Variants in ACTN1 observed in about 807,000 individuals in gnomAD.
ACTN1 encodes the protein alpha-actinin-1.
A neutral mutation model predicts 119.6 loss-of-function variants in ACTN1; 30 were observed. That is an observed-to-expected ratio of 0.25 (90% CI 0.19 to 0.34). The LOEUF (loss-of-function observed/expected upper bound fraction) is 0.34, where lower values mean the gene tolerates loss of function less well. Ranked by LOEUF, ACTN1 falls within the 10% of genes least tolerant of loss-of-function variation. ACTN1 has a pLI of 1.00. For synonymous variants in ACTN1, 429 were observed against 472.6 expected, an observed-to-expected ratio of 0.91 and a Z score of 1.20; for missense variants, 764 against 1,223.4, an observed-to-expected ratio of 0.62 and a Z score of 5.60.
chr14:68,924,129 C>T (rs2034792849), intron 2 of ACTN1, among the ~76,000 whole-genome samples: 1 of 152,074 alleles, frequency 6.6e-6, no homozygotes, highest in Non-Finnish European at 1.5e-5. Flanking sequence ...GAGCGGCGAG[C>T]TAGTGTTGAA....
At chr14:68,929,570 C>T (rs939107783) in intron 1 of ACTN1, among the ~76,000 whole-genome samples, 3 of 152,186 alleles carry the variant, frequency 2.0e-5, no homozygotes, top group African/African-American at 7.2e-5. Context: ...AAAGGAGATC[C>T]GGGATGGCAG....
intron 6 of ACTN1, among the ~76,000 whole-genome samples, chr14:68,905,849 G>C (rs1262182585): frequency 6.6e-6 from 1 of 152,046 alleles, no homozygotes; most frequent in Middle Eastern, 3.2e-3. Flanking sequence ...AAAATTAGCT[G>C]GGTGTGGTGG....
chr14:68,977,145 G>T lies in ACTN1; in HGVS notation c.105+1807C>A, dbSNP rs187676902. Reference sequence around the variant, plus strand: ...CTCCCTAAGCAGGGATTTCTCCTTCGATTCTAACCCCCAGGGAAGACCCCA... The same window carrying T: ...CTCCCTAAGCAGGGATTTCTCCTTCTATTCTAACCCCCAGGGAAGACCCCA... On this transcript the variant is annotated intron_variant, in intron 1 of 21. Transcript: ENST00000394419. Among the ~76,000 whole-genome samples, 4 of 152,166 alleles carry T rather than the reference G, an allele frequency of 2.6e-5. No individual in the cohort carries two copies. In the East Asian group the frequency reaches 5.8e-4, roughly 22 times the overall value.
At chr14:68,893,381 T>TG (rs1259467575) in intron 9 of ACTN1, among the ~76,000 whole-genome samples, 2 of 152,166 alleles carry the variant, frequency 1.3e-5, no homozygotes, top group Non-Finnish European at 2.9e-5. Flanking sequence ...TGACATCCCC[T>TG]GGCTCAACTC....
intron 1 of ACTN1, chr14:68,978,340 G>C (rs11620922): frequency 0.18 from 70,930 of 389,232 alleles, 7,317 homozygotes; most frequent in Non-Finnish European, 0.23. Context: ...GGGCCCGCGG[G>C]GGAGCCCGCG....
At position 68,892,074 on chromosome 14, in the gene ACTN1, G is replaced by A; in HGVS notation, c.1065C>T (p.Pro355=). 6.2e-7 allele frequency: 1 copy of A among 1,613,840 alleles called. No individual in the cohort carries two copies. The change falls in exon 10 of 22, where the codon CCC becomes CCT. Residue 355 remains proline, a synonymous_variant. Coordinates refer to ENST00000394419, the MANE Select transcript of ACTN1 (RefSeq NM_001130004.2). ...LRLSNRPAFM[P]SEGRMVSDIN... ...TCACCGAGACCATCCTGCCCTCAGA[G>A]GGCATGAAGGCAGGCCGGTTGCTGA... is the stretch of plus-strand genomic sequence containing the variant.
At chr14:68,892,022 C>CT in intron 10 of ACTN1, 31 bp downstream of exon 10, 2 of 1,609,326 alleles carry the variant, frequency 1.2e-6, no homozygotes, top group African/African-American at 1.3e-5. Context: ...GCAGTCCAGT[C>CT]TGGGGGCCCA....
At chr14:68,916,050 T>G (rs1237283978) in intron 3 of ACTN1, among the ~76,000 whole-genome samples, 1 of 152,194 alleles carries the variant, frequency 6.6e-6, no homozygotes, top group African/African-American at 2.4e-5. Flanking sequence ...ACGCAGACAT[T>G]AATGCTTATG....
chr14:68,956,521 C>T (rs2036356596), intron 1 of ACTN1, among the ~76,000 whole-genome samples: 1 of 152,134 alleles, frequency 6.6e-6, no homozygotes, highest in South Asian at 2.1e-4. Flanking sequence ...GGAAAAGGCC[C>T]AGGAAGCTAC....
intron 1 of ACTN1, among the ~76,000 whole-genome samples, chr14:68,955,805 T>C (rs1446599657): frequency 6.6e-6 from 1 of 152,198 alleles, no homozygotes; most frequent in African/African-American, 2.4e-5. Context: ...GACCACGTGC[T>C]CCAAATCCAA....
At chr14:68,971,933 G>A (rs1325388109) in intron 1 of ACTN1, among the ~76,000 whole-genome samples, 2 of 152,164 alleles carry the variant, frequency 1.3e-5, no homozygotes, top group Admixed American at 1.3e-4. Context: ...ACGATTGCTA[G>A]GCAACCTCCA....
chr14:68,891,967 A>C, intron 10 of ACTN1, 86 bp downstream of exon 10: 1 of 1,523,372 alleles, frequency 6.6e-7, no homozygotes, highest in Non-Finnish European at 8.9e-7. Context: ...CCGCACCCCC[A>C]TAAAGCTGAA....
chr14:68,879,816 G>A lies in ACTN1; in HGVS notation c.2280+146C>T. 8.7e-7 allele frequency: 1 copy of A among 1,145,972 alleles called. No individual in the cohort carries two copies. The highest frequency in any genetic ancestry group is 2.6e-5 in the East Asian group (1 of 38,764). 71.0% of individuals were successfully genotyped at this position (1,145,972 alleles called of 1,614,324 possible). On this transcript the variant is annotated intron_variant, in intron 18 of 21. Coordinates refer to ENST00000394419, the MANE Select transcript of ACTN1 (RefSeq NM_001130004.2). The surrounding 1 kb of genome is among the most constrained non-coding windows in gnomAD (Gnocchi z 4.9). ...TTTTCCAAGGCTGGTTTTGCAGGGT[G>A]CATTGAGTCAGGGCAGGCTGACGGC...
At chr14:68,932,382 C>T (rs2035259856) in intron 1 of ACTN1, among the ~76,000 whole-genome samples, 1 of 152,018 alleles carries the variant, frequency 6.6e-6, no homozygotes, top group Non-Finnish European at 1.5e-5. Context: ...TGCTCCTCAG[C>T]TTGCAGATGG....
chr14:68,923,385 G>T (rs1393085063), intron 2 of ACTN1, among the ~76,000 whole-genome samples: 1 of 152,184 alleles, frequency 6.6e-6, no homozygotes, highest in Non-Finnish European at 1.5e-5. Flanking sequence ...CAGATTAGGG[G>T]AGAGAGGAAG....
rs2034856812 is a variant in ACTN1, at chr14:68,925,180, G to A, written c.220+378C>T. 6.6e-6 allele frequency among the ~76,000 whole-genome samples: 1 copy of A among 152,140 alleles called. No individual in the cohort carries two copies. Among genetic ancestry groups the A allele is most frequent in the Non-Finnish European group, 1.5e-5 (1 of 68,018 alleles). On this transcript the variant is annotated intron_variant, in intron 2 of 21. Coordinates refer to ENST00000394419, the MANE Select transcript of ACTN1 (RefSeq NM_001130004.2). The surrounding 1 kb of genome is among the most constrained non-coding windows in gnomAD (Gnocchi z 4.3). The stretch of plus-strand genomic sequence containing the variant: ...GACATCTGGACAAACCAGGGGCTGG[G>A]GAATGGCCTGGGTCACCTGGATACA...
At chr14:68,890,447 C>T (rs1313329284) in intron 10 of ACTN1, among the ~76,000 whole-genome samples, 161 bp from the exon 11 acceptor site, 1 of 152,138 alleles carries the variant, frequency 6.6e-6, no homozygotes, top group Non-Finnish European at 1.5e-5. Context: ...CCATACCTCC[C>T]ATCTCCCACT....
chr14:68,926,495 GTCTC>G (rs2034933747), intron 1 of ACTN1, among the ~76,000 whole-genome samples: 1 of 150,692 alleles, frequency 6.6e-6, no homozygotes, highest in South Asian at 2.1e-4. Context: ...TAAAACAGGT[GTCTC>G]TCTCCAGCTG....
At chr14:68,889,805 T>TA (rs2032329340) in intron 11 of ACTN1, among the ~76,000 whole-genome samples, 1 of 151,904 alleles carries the variant, frequency 6.6e-6, no homozygotes, top group Non-Finnish European at 1.5e-5. Context: ...CCCATAAAAC[T>TA]AAAAAACAAA....
Sources: allele counts gnomAD v4.1 joint callset (sites outside exome capture counted in the v4.1 genomes callset), GRCh38; gene constraint gnomAD v4.1.1; non-coding constraint Gnocchi (gnomAD v3.1); transcripts MANE v1.5; gene names NCBI Gene and HGNC (gene_info 2026-07-23, HGNC 2026-07-21).